The following GGPS1 variants were observed in gnomAD, a reference collection of about 807,000 sequenced individuals.
The protein encoded by GGPS1 is geranylgeranyl diphosphate synthase 1, also known as geranylgeranyl pyrophosphate synthase.
GGPS1 carries 15 observed loss-of-function variants against 28.1 expected under a neutral mutation model. The ratio of observed to expected loss-of-function variants is 0.53; its 90% CI spans 0.36 to 0.82. The LOEUF (loss-of-function observed/expected upper bound fraction) is 0.82. Among genes scored for constraint, GGPS1 ranks in the 40% least tolerant of loss-of-function variants. GGPS1 has a pLI of 0.01. For missense variants in GGPS1, 284 were observed against 348.3 expected (o/e 0.82, Z 1.47); for synonymous variants, 138 against 122.4 (o/e 1.13, Z -0.84).
At position 235,342,227 on chromosome 1, in the gene GGPS1, T is replaced by A; in HGVS notation, c.358T>A (p.Leu120Met). The A allele has an allele frequency of 6.2e-7, 1 of 1,613,996 alleles. No homozygotes were observed. The highest frequency in any genetic ancestry group is 8.5e-7 in the Non-Finnish European group (1 of 1,179,932). The change falls in exon 4 of 4, where the codon TTG becomes ATG. Residue 120 changes from leucine (L) to methionine (M), a missense_variant. Transcript: ENST00000282841. ...AGTGAAGCTTTTTACCCGCCAGCTTTTGGAACTCCATCAGGGACAAGGCCT... is the reference window on the plus strand; with the variant it reads ...AGTGAAGCTTTTTACCCGCCAGCTTATGGAACTCCATCAGGGACAAGGCCT... ...DAVKLFTRQLLELHQGQGLDI... is the reference protein window; with the variant it reads ...DAVKLFTRQLMELHQGQGLDI...
intron 3 of GGPS1, 103 bp from the exon 4 acceptor site, chr1:235,341,908 T>A: frequency 2.3e-6 from 2 of 881,586 alleles, no homozygotes; most frequent in African/African-American, 1.7e-5. Flanking sequence ...TAAATATTTA[T>A]TAGTTGTGAA....
chr1:235,336,872 C>G (rs575810377), intron 2 of GGPS1: 1 of 153,484 alleles, frequency 6.5e-6, no homozygotes, highest in Admixed American at 6.5e-5. Context: ...ATGCTTGCTC[C>G]TGTGCTACAC....
At chr1:235,339,320 T>C (rs1675960685) in intron 2 of GGPS1, among the ~76,000 whole-genome samples, 1 of 151,120 alleles carries the variant, frequency 6.6e-6, no homozygotes, top group Non-Finnish European at 1.5e-5. Context: ...TACAAAAAAT[T>C]AGCTAGGCGT....
intron 1 of GGPS1, 60 bp from the exon 2 acceptor site, chr1:235,335,182 C>T (rs1233856352): frequency 1.4e-6 from 1 of 734,694 alleles, no homozygotes; most frequent in Non-Finnish European, 2.4e-6. Flanking sequence ...AATTCCTTTG[C>T]AGTTTGACAC....
upstream of GGPS1, chr1:235,327,921 G>A (rs1467099039): frequency 6.6e-6 from 1 of 152,536 alleles, no homozygotes; most frequent in Admixed American, 6.5e-5. Flanking sequence ...CTCCTCCCGC[G>A]GCGGCGACTG....
At chr1:235,339,453 A>C (rs1675964461) in intron 2 of GGPS1, among the ~76,000 whole-genome samples, 1 of 151,946 alleles carries the variant, frequency 6.6e-6, no homozygotes, top group Non-Finnish European at 1.5e-5. Context: ...AGCCTAGGTG[A>C]CAGAGCAAAA....
upstream of GGPS1, chr1:235,327,292 T>G: frequency 1.3e-5 from 2 of 159,422 alleles, no homozygotes; most frequent in East Asian, 1.7e-4. Context: ...CGCTCTCCCC[T>G]AGGGCCTCGG....
At chr1:235,338,529 A>C (rs1370277498) in intron 2 of GGPS1, among the ~76,000 whole-genome samples, 1 of 152,178 alleles carries the variant, frequency 6.6e-6, no homozygotes, top group Non-Finnish European at 1.5e-5. Context: ...TAAAATGAAA[A>C]ATGAAATTTC....
chr1:235,328,005 G>C (rs1675467461), upstream of GGPS1: 1 of 152,568 alleles, frequency 6.6e-6, no homozygotes, highest in South Asian at 2.1e-4. Flanking sequence ...CCCCGGACTG[G>C]AGGTCCGGGC....
chr1:235,342,849 T>A lies in GGPS1; in HGVS notation c.*77T>A. ...TTTGTCTTTTAGCCTTACCACCTTT[T>A]AAAAAATTTGTTATTCTCCAGAAAC... On this transcript the variant is annotated 3_prime_UTR_variant, in exon 4 of 4. Coordinates refer to ENST00000282841, the MANE Select transcript of GGPS1 (RefSeq NM_004837.4). The A allele has an allele frequency of 9.7e-7, 1 of 1,029,668 alleles. No homozygotes were observed. The highest frequency in any genetic ancestry group is 1.4e-6 in the Non-Finnish European group (1 of 704,956). The allele number at this position is 1,029,668 out of a possible 1,614,324, so 63.8% of individuals were successfully genotyped here. A position where few individuals can be genotyped will look rare whatever the true frequency, so the allele number is the denominator to read the frequency against.
chr1:235,340,937 A>ATTC (rs907067189), intron 2 of GGPS1, among the ~76,000 whole-genome samples: 1 of 152,162 alleles, frequency 6.6e-6, no homozygotes, highest in Non-Finnish European at 1.5e-5. Flanking sequence ...GGAGAAATAG[A>ATTC]TAATTTCAAG....
At chr1:235,341,578 AATGGATTG>A in intron 2 of GGPS1, 122 bp from the exon 3 acceptor site, 1 of 690,298 alleles carries the variant, frequency 1.4e-6, no homozygotes, top group Non-Finnish European at 2.6e-6. Flanking sequence ...TGCAGTAGGT[AATGGATTG>A]ATGAGGCTGG....
intron 2 of GGPS1, among the ~76,000 whole-genome samples, chr1:235,338,041 T>C (rs1675919264): frequency 6.6e-6 from 1 of 152,044 alleles, no homozygotes; most frequent in Non-Finnish European, 1.5e-5. Flanking sequence ...AGCAGTAATC[T>C]TTTAATTTTG....
intron 1 of GGPS1, chr1:235,330,374 A>T (rs762419924): frequency 8.5e-5 from 13 of 152,216 alleles, no homozygotes; most frequent in Non-Finnish European, 1.6e-4. Context: ...AGTCCCAGCT[A>T]CTCGGGAGGC....
At chr1:235,340,164 C>T (rs915428934) in intron 2 of GGPS1, among the ~76,000 whole-genome samples, 3 of 152,084 alleles carry the variant, frequency 2.0e-5, no homozygotes, top group South Asian at 2.1e-4. Context: ...CTATCTTGAG[C>T]TTTCCGTGTA....
intron 1 of GGPS1, chr1:235,330,185 C>G (rs1381501932): frequency 1.3e-5 from 2 of 152,140 alleles, no homozygotes; most frequent in Non-Finnish European, 2.9e-5. Context: ...CCTTTAGACT[C>G]TTAAGAAGAC....
chr1:235,342,585 A>G lies in GGPS1; in HGVS notation c.716A>G (p.Glu239Gly). The change falls in exon 4 of 4, where the codon GAA (glutamate) becomes GGA (glycine). Residue 239 changes from glutamate (E) to glycine (G), a missense_variant. Glu to Gly is a moderately conservative substitution (Grantham distance 98). Coordinates refer to ENST00000282841, the MANE Select transcript of GGPS1 (RefSeq NM_004837.4). ...QVQNILRQRT[E>G]NIDIKKYCVH... ...CAGAATATCTTGCGCCAGAGAACAG[A>G]AAACATAGATATAAAAAAATACTGT... is the stretch of plus-strand genomic sequence containing the variant. 1 of 1,611,774 alleles carries G rather than the reference A, an allele frequency of 6.2e-7. No individual in the cohort carries two copies. Among genetic ancestry groups the G allele is most frequent in the Non-Finnish European group, 8.5e-7 (1 of 1,177,798 alleles).
chr1:235,328,255 C>T (rs1340027224), upstream of GGPS1: 1 of 149,720 alleles, frequency 6.7e-6, no homozygotes, highest in Non-Finnish European at 1.5e-5. Flanking sequence ...CCCTCCCCTA[C>T]CTCTTTCCCG....
intron 1 of GGPS1, 37 bp from the exon 2 acceptor site, chr1:235,335,205 A>G (rs1451286067): frequency 1.6e-5 from 13 of 832,328 alleles, no homozygotes; most frequent in Non-Finnish European, 2.4e-5. Flanking sequence ...AAAGATGATT[A>G]GTTTCATGTG....
Sources: allele counts gnomAD v4.1 joint callset (sites outside exome capture counted in the v4.1 genomes callset), GRCh38; gene constraint gnomAD v4.1.1; transcripts MANE v1.5; gene names NCBI Gene and HGNC (gene_info 2026-07-23, HGNC 2026-07-21).